Variants in RHOU observed in about 807,000 individuals in gnomAD.
RHOU encodes rho-related GTP-binding protein RhoU.
RHOU carries 8 observed loss-of-function variants against 12.6 expected under a neutral mutation model. That is an observed-to-expected ratio of 0.64 (90% CI 0.37 to 1.15). The LOEUF (loss-of-function observed/expected upper bound fraction) is 1.15, where lower values mean the gene tolerates loss of function less well. Ranked by LOEUF, RHOU falls within the 50% of genes most tolerant of loss-of-function variation. The pLI, the probability that RHOU is intolerant of heterozygous loss-of-function variation, is 0.01. For missense variants in RHOU, 258 were observed against 347.0 expected (o/e 0.74, Z 2.04); for synonymous variants, 161 against 147.4 (o/e 1.09, Z -0.67).
chr1:228,743,345 T>C lies in RHOU; in HGVS notation c.382T>C (p.Phe128Leu). Residue 128 changes from phenylalanine (F) to leucine (L), a missense_variant, in exon 3 of 3, where the codon TTC (phenylalanine) becomes CTC (leucine). Physicochemically the swap from Phe to Leu is conservative, Grantham distance 22. Coordinates refer to ENST00000366691, the MANE Select transcript of RHOU (RefSeq NM_021205.6). The surrounding 1 kb of genome is among the most constrained non-coding windows in gnomAD (Gnocchi z 5.1). ...YTNTDIFLLCFSVVSPSSFQN... is the reference protein window; with the variant it reads ...YTNTDIFLLCLSVVSPSSFQN... ...CAACACAGACATCTTCCTGCTCTGC[T>C]TCAGTGTCGTGAGCCCCTCATCCTT... is the stretch of plus-strand genomic sequence containing the variant. 1.2e-6 allele frequency: 2 copies of C among 1,614,216 alleles called. No homozygotes were observed. Among genetic ancestry groups the C allele is most frequent in the Non-Finnish European group, 1.7e-6 (2 of 1,180,028 alleles).
At chr1:228,705,810 G>A in the RHOU span, among the ~76,000 whole-genome samples, 9 of 152,262 alleles carry the variant, frequency 5.9e-5, no homozygotes, top group Middle Eastern at 3.4e-3. Flanking sequence ...TCGGGAGGCC[G>A]AGACGGGCAG....
At chr1:228,696,313 TACTC>T in the RHOU span, among the ~76,000 whole-genome samples, 8 of 150,854 alleles carry the variant, frequency 5.3e-5, no homozygotes, top group East Asian at 1.6e-3. Flanking sequence ...AGAAGAAATT[TACTC>T]ACACTCAGTA....
chr1:228,728,592 T>A, the RHOU span, among the ~76,000 whole-genome samples: 1 of 152,224 alleles, frequency 6.6e-6, no homozygotes, highest in Non-Finnish European at 1.5e-5. Flanking sequence ...TGATTAGCAC[T>A]GTGCTAAGCT....
the RHOU span, among the ~76,000 whole-genome samples, chr1:228,646,903 G>C: frequency 6.6e-6 from 1 of 152,032 alleles, no homozygotes; most frequent in African/African-American, 2.4e-5. Flanking sequence ...GAGAGACAGC[G>C]ATCGAGAGAG....
At chr1:228,739,984 G>GA (rs1178340418) in intron 2 of RHOU, among the ~76,000 whole-genome samples, 1 of 152,244 alleles carries the variant, frequency 6.6e-6, no homozygotes, top group Non-Finnish European at 1.5e-5. Flanking sequence ...GGAAGCTCGT[G>GA]AAGGAGCAAG....
At chr1:228,683,404 G>A in the RHOU span, among the ~76,000 whole-genome samples, 1 of 152,146 alleles carries the variant, frequency 6.6e-6, no homozygotes, top group East Asian at 1.9e-4. Flanking sequence ...ATACATCGAT[G>A]GAGCTTACTT....
the RHOU span, among the ~76,000 whole-genome samples, chr1:228,657,191 C>T: frequency 6.9e-6 from 1 of 145,682 alleles, no homozygotes; most frequent in African/African-American, 2.6e-5. Flanking sequence ...GCAGGAGAAT[C>T]GCTTCAACCC....
upstream of RHOU, among the ~76,000 whole-genome samples, chr1:228,733,465 C>A (rs1311227502): frequency 6.6e-6 from 1 of 152,220 alleles, no homozygotes; most frequent in Non-Finnish European, 1.5e-5. Context: ...AGTCACCACA[C>A]CTGGCTAATT....
chr1:228,697,883 G>T, the RHOU span, among the ~76,000 whole-genome samples: 1 of 152,170 alleles, frequency 6.6e-6, no homozygotes, highest in Admixed American at 6.5e-5. Context: ...GTTTGTCACT[G>T]TATCCTTAGG....
At chr1:228,709,320 C>T in the RHOU span, among the ~76,000 whole-genome samples, 1 of 145,392 alleles carries the variant, frequency 6.9e-6, no homozygotes, top group South Asian at 2.3e-4. Flanking sequence ...TAATAGACAT[C>T]TACAGAACTC....
Position 228,737,843 on chromosome 1 carries a change from G to A in RHOU, c.321+112G>A. 2 of 1,154,926 alleles carry A rather than the reference G, an allele frequency of 1.7e-6. No individual in the cohort carries two copies. The highest frequency in any genetic ancestry group is 2.6e-6 in the Non-Finnish European group (2 of 783,316). 71.5% of individuals were successfully genotyped at this position (1,154,926 alleles called of 1,614,324 possible). On this transcript the variant is annotated intron_variant, in intron 2 of 2. Transcript: ENST00000366691. This position sits in a 1 kb window ranked among gnomAD's most constrained non-coding sequence, Gnocchi z 4.1. ...CTGGGTCATTCTAAAGCCTCATGAA[G>A]TGGACCCACCCCTGCTGTTGGCCCT...
rs757377661 is a variant in RHOU at position 228,737,720 on chromosome 1, A to G, written c.310A>G (p.Thr104Ala). The change falls in exon 2 of 3, where the codon ACT (threonine) becomes GCT (alanine). Residue 104 changes from threonine (T) to alanine (A), a missense_variant. By Grantham distance (58) the Thr-to-Ala change is moderately conservative. Transcript: ENST00000366691. The surrounding 1 kb of genome is among the most constrained non-coding windows in gnomAD (Gnocchi z 4.1). ...GCCCGTGAGACTCCAACTCTGTGACACTGCCGGACAGGTCAGTATCACGTT... is the reference window on the plus strand; with the variant it reads ...GCCCGTGAGACTCCAACTCTGTGACGCTGCCGGACAGGTCAGTATCACGTT... Reference protein sequence around the residue: ...GRPVRLQLCDTAGQDEFDKLR... With the variant: ...GRPVRLQLCDAAGQDEFDKLR... 10 of 1,614,168 alleles carry G rather than the reference A, an allele frequency of 6.2e-6. No homozygotes were observed. Among genetic ancestry groups the G allele is most frequent in the Non-Finnish European group, 7.6e-6 (9 of 1,180,020 alleles).
At chr1:228,665,716 C>T in the RHOU span, among the ~76,000 whole-genome samples, 184 of 152,212 alleles carry the variant, frequency 1.2e-3, 2 homozygotes, top group Non-Finnish European at 2.1e-4. Context: ...GCAAATTTGT[C>T]CTTCCCCTGT....
At chr1:228,676,138 C>T in the RHOU span, among the ~76,000 whole-genome samples, 1 of 150,828 alleles carries the variant, frequency 6.6e-6, no homozygotes, top group Admixed American at 6.6e-5. Context: ...ACCGCCCCCC[C>T]CCTTTTTTTT....
the RHOU span, among the ~76,000 whole-genome samples, chr1:228,647,237 G>T: frequency 1.3e-5 from 2 of 152,316 alleles, no homozygotes; most frequent in South Asian, 4.1e-4. Context: ...TTGCTTTGGA[G>T]GTGGGTTTCG....
Position 228,737,402 on chromosome 1 carries a change from G to A in RHOU, c.263-271G>A, listed in dbSNP as rs1420825824. ...GAAAATAAATCTTCCAGGACTGGGAGAAAAGCATAGGCCTTTTTAGGGTCA... is the reference window on the plus strand; with the variant it reads ...GAAAATAAATCTTCCAGGACTGGGAAAAAAGCATAGGCCTTTTTAGGGTCA... On this transcript the variant is annotated intron_variant, in intron 1 of 2. Transcript: ENST00000366691. This position sits in a 1 kb window ranked among gnomAD's most constrained non-coding sequence, Gnocchi z 4.1. Among the ~76,000 whole-genome samples the A allele has an allele frequency of 6.6e-6, 1 of 152,210 alleles. No individual in the cohort carries two copies. The highest frequency in any genetic ancestry group is 1.5e-5 in the Non-Finnish European group (1 of 68,038).
At chr1:228,721,298 A>AAAAAAT in the RHOU span, among the ~76,000 whole-genome samples, 3 of 152,200 alleles carry the variant, frequency 2.0e-5, no homozygotes, top group Non-Finnish European at 4.4e-5. Flanking sequence ...ATTCCATCGC[A>AAAAAAT]AAAAATAAAA....
At chr1:228,654,594 CT>C in the RHOU span, among the ~76,000 whole-genome samples, 1 of 152,154 alleles carries the variant, frequency 6.6e-6, no homozygotes, top group East Asian at 1.9e-4. Flanking sequence ...GAGAATCTTG[CT>C]TCTTTTAATT....
the RHOU span, among the ~76,000 whole-genome samples, chr1:228,667,127 A>G: frequency 6.6e-6 from 1 of 152,210 alleles, no homozygotes; most frequent in Admixed American, 6.5e-5. Context: ...CTATCAGTTC[A>G]CCTGAGAGAT....
Sources: gnomAD v4.1 joint callset for allele counts (sites outside exome capture counted in the v4.1 genomes callset) on GRCh38, gnomAD v4.1.1 for gene constraint, Gnocchi (gnomAD v3.1) non-coding constraint, MANE v1.5 for transcripts, NCBI Gene and HGNC (gene_info 2026-07-23, HGNC 2026-07-21) for gene names.